Variants in VTA1 observed in about 807,000 individuals in gnomAD.
The protein encoded by VTA1 is vacuolar protein sorting-associated protein VTA1 homolog.
A neutral mutation model predicts 36.9 loss-of-function variants in VTA1; 24 were observed. The observed-to-expected ratio is 0.65, with a 90% CI of 0.47 to 0.91. The LOEUF is 0.91. Ranked by LOEUF, VTA1 falls within the 40% of genes least tolerant of loss-of-function variation. The pLI is 0.00. For synonymous variants in VTA1, 142 were observed against 130.2 expected (o/e 1.09, Z -0.62); for missense variants, 393 against 377.2 (o/e 1.04, Z -0.35).
At chr6:142,194,628 A>G (rs1394896451) in intron 5 of VTA1, among the ~76,000 whole-genome samples, 1 of 152,138 alleles carries the variant, frequency 6.6e-6, no homozygotes, top group Non-Finnish European at 1.5e-5. Flanking sequence ...AAATTTACCT[A>G]TTGATTCTGA....
intron 4 of VTA1, among the ~76,000 whole-genome samples, chr6:142,186,701 C>T (rs745679542): frequency 6.6e-6 from 1 of 152,080 alleles, no homozygotes; most frequent in African/African-American, 2.4e-5. Context: ...GTATGTGAGA[C>T]ATCCAAGTGG....
chr6:142,164,602 T>A (rs1482959101), intron 1 of VTA1, among the ~76,000 whole-genome samples: 1 of 152,182 alleles, frequency 6.6e-6, no homozygotes, highest in East Asian at 1.9e-4. Flanking sequence ...AAGAGAATTT[T>A]TGACATGTGA....
intron 4 of VTA1, among the ~76,000 whole-genome samples, chr6:142,175,013 A>G (rs967656031): frequency 1.3e-5 from 2 of 152,186 alleles, no homozygotes; most frequent in Non-Finnish European, 2.9e-5. Context: ...ATTCCTTTAT[A>G]GCAGTGAAAA....
rs549315028 is a variant in VTA1 at position 142,206,103 on chromosome 6, G to A, written c.778+2038G>A. On this transcript the variant is annotated intron_variant, in intron 7 of 7. Transcript: ENST00000367630. ...AAAGAAATAAAAGCTATAAAGATAGGAAAAGAAAAAATAACACTGTCTTTG... is the reference window on the plus strand; with the variant it reads ...AAAGAAATAAAAGCTATAAAGATAGAAAAAGAAAAAATAACACTGTCTTTG... Among the ~76,000 whole-genome samples, 7 of 152,070 alleles carry A rather than the reference G, an allele frequency of 4.6e-5. No homozygotes were observed. The South Asian group carries it at 1.0e-3, about 23-fold the overall frequency.
intron 4 of VTA1, among the ~76,000 whole-genome samples, chr6:142,181,095 ATATAT>A (rs1251205172): frequency 1.4e-4 from 5 of 35,238 alleles, no homozygotes; most frequent in African/African-American, 2.2e-4. Flanking sequence ...AAAAAAAAAA[ATATAT>A]ATATATATAT....
intron 7 of VTA1, among the ~76,000 whole-genome samples, chr6:142,211,296 A>G (rs186986960): frequency 1.3e-5 from 2 of 152,376 alleles, no homozygotes; most frequent in Admixed American, 1.3e-4. Flanking sequence ...TTCATAAAAA[A>G]TAAATGTAAA....
intron 4 of VTA1, among the ~76,000 whole-genome samples, chr6:142,183,050 C>CA (rs1775272829): frequency 6.6e-6 from 1 of 151,442 alleles, no homozygotes; most frequent in Non-Finnish European, 1.5e-5. Context: ...TAAGGGGGGG[C>CA]ATCAAGGAAT....
At chr6:142,193,897 C>G (rs1270256487) in intron 5 of VTA1, among the ~76,000 whole-genome samples, 2 of 152,022 alleles carry the variant, frequency 1.3e-5, no homozygotes, top group African/African-American at 4.8e-5. Context: ...TTAATACCTT[C>G]TTACCCTTCC....
intron 7 of VTA1, among the ~76,000 whole-genome samples, chr6:142,211,323 T>C (rs1156727958): frequency 6.6e-6 from 1 of 152,156 alleles, no homozygotes; most frequent in Non-Finnish European, 1.5e-5. Flanking sequence ...AATACAAAAC[T>C]ATAAAACATG....
At chr6:142,197,311 A>G (rs974940132) in intron 5 of VTA1, among the ~76,000 whole-genome samples, 6 of 152,214 alleles carry the variant, frequency 3.9e-5, no homozygotes, top group Non-Finnish European at 5.9e-5. Flanking sequence ...GAAATTAGCT[A>G]CATTGAATAA....
chr6:142,151,474 T>G (rs1330982247), intron 1 of VTA1, among the ~76,000 whole-genome samples: 2 of 152,200 alleles, frequency 1.3e-5, no homozygotes, highest in Non-Finnish European at 2.9e-5. Flanking sequence ...GAGAGTACCT[T>G]GTTTCATCCA....
At position 142,198,526 on chromosome 6, in the gene VTA1, A is replaced by T. The variant is rs765659030; in HGVS notation, c.608A>T (p.Asn203Ile). Residue 203 changes from asparagine (N) to isoleucine (I), a missense_variant, in exon 6 of 8, where the codon AAC (asparagine) becomes ATC (isoleucine). By Grantham distance (149) the Asn-to-Ile change is moderately radical. Transcript: ENST00000367630. The part of the protein sequence containing the change: ...PSSSSTYDPS[N>I]MPSGNYTGIQ... Reference sequence around the variant, plus strand: ...TCATCTTCAACTTATGACCCAAGCAACATGCCATCAGGCAACTATACTGGA... The same window carrying T: ...TCATCTTCAACTTATGACCCAAGCATCATGCCATCAGGCAACTATACTGGA... 5.0e-6 allele frequency: 8 copies of T among 1,614,160 alleles called. No homozygotes were observed. The highest frequency in any genetic ancestry group is 6.8e-6 in the Non-Finnish European group (8 of 1,179,986).
chr6:142,222,225 TCA>T lies in VTA1; in HGVS notation c.*3584_*3585del, dbSNP rs1429260187. 2 of 152,216 alleles carry T rather than the reference TCA, an allele frequency of 1.3e-5. No individual in the cohort carries two copies. Among genetic ancestry groups the T allele is most frequent in the African/African-American group, 4.8e-5 (2 of 41,460 alleles). 9.4% of individuals were successfully genotyped at this position (152,216 alleles called of 1,614,324 possible). On this transcript the variant is annotated 3_prime_UTR_variant, in exon 8 of 8. Coordinates refer to ENST00000367630, the MANE Select transcript of VTA1 (RefSeq NM_016485.5). Reference sequence around the variant, plus strand: ...TAGGGAAAGTTGCCGAATTCCTCTCTCACTTAGACTGAAGTACAATGTTTCCA... The same window carrying T: ...TAGGGAAAGTTGCCGAATTCCTCTCTCTTAGACTGAAGTACAATGTTTCCA...
At chr6:142,211,759 A>G (rs1775909057) in intron 7 of VTA1, among the ~76,000 whole-genome samples, 1 of 152,126 alleles carries the variant, frequency 6.6e-6, no homozygotes, top group African/African-American at 2.4e-5. Flanking sequence ...CTGAGAGAAA[A>G]CATTGCAAAA....
intron 5 of VTA1, among the ~76,000 whole-genome samples, 169 bp from the exon 6 acceptor site, chr6:142,198,270 A>G (rs1468430783): frequency 6.6e-6 from 1 of 152,058 alleles, no homozygotes; most frequent in Non-Finnish European, 1.5e-5. Context: ...ATTTTTTAAG[A>G]AAATAAAAAA....
chr6:142,166,646 A>C, intron 2 of VTA1, among the ~76,000 whole-genome samples: 1 of 149,888 alleles, frequency 6.7e-6, no homozygotes. Context: ...ACAGGGTCTC[A>C]CTCTGTCACC....
In VTA1 at chr6:142,221,751, A is replaced by C. The variant is rs543036678; in HGVS notation, c.*3108A>C. ...GCGGATCATCTGAGGTCAGGAGTAT[A>C]TATTTATTAATATATAAATATGTAT... On this transcript the variant is annotated 3_prime_UTR_variant, in exon 8 of 8. Transcript: ENST00000367630. 1 of 148,756 alleles carries C rather than the reference A, an allele frequency of 6.7e-6. No homozygotes were observed. The highest frequency in any genetic ancestry group is 1.9e-4 in the East Asian group (1 of 5,136). 9.2% of individuals were successfully genotyped at this position (148,756 alleles called of 1,614,324 possible). A position where few individuals can be genotyped will look rare whatever the true frequency, so the allele number is the denominator to read the frequency against.
intron 4 of VTA1, among the ~76,000 whole-genome samples, chr6:142,181,116 TACAC>T (rs1554219856): frequency 2.0e-4 from 17 of 87,078 alleles, no homozygotes; most frequent in African/African-American, 6.7e-4. Flanking sequence ...TATATATATA[TACAC>T]ACACACACAC....
chr6:142,216,089 C>T (rs1053561083), intron 7 of VTA1, among the ~76,000 whole-genome samples: 1 of 151,998 alleles, frequency 6.6e-6, no homozygotes, highest in Admixed American at 6.6e-5. Flanking sequence ...TGCACCCTCT[C>T]TTGTTCTGAT....
Sources: gnomAD v4.1 joint callset for allele counts (sites outside exome capture counted in the v4.1 genomes callset) on GRCh38, gnomAD v4.1.1 for gene constraint, MANE v1.5 for transcripts, NCBI Gene and HGNC (gene_info 2026-07-23, HGNC 2026-07-21) for gene names.